The following ADCY2 variants were observed in gnomAD, a reference collection of about 807,000 sequenced individuals.
The protein encoded by ADCY2 is adenylate cyclase 2.
In ADCY2, 31 loss-of-function variants were observed where a neutral mutation model predicts 125.2. The ratio of observed to expected loss-of-function variants is 0.25; its 90% CI spans 0.19 to 0.33. The LOEUF is 0.33. Ranked by LOEUF, ADCY2 falls within the 10% of genes least tolerant of loss-of-function variation. The pLI is 1.00. For synonymous variants in ADCY2, 512 were observed against 548.4 expected (o/e 0.93, Z 0.93); for missense variants, 904 against 1,418.2 (o/e 0.64, Z 5.82).
At chr5:7,467,728 C>G (rs183885810) in intron 2 of ADCY2, among the ~76,000 whole-genome samples, 17 of 152,326 alleles carry the variant, frequency 1.1e-4, no homozygotes, top group African/African-American at 3.8e-4. Flanking sequence ...TCATATTCCT[C>G]TCTCTCTACA....
intron 1 of ADCY2, among the ~76,000 whole-genome samples, chr5:7,412,561 A>G (rs962862701): frequency 1.3e-5 from 2 of 152,190 alleles, no homozygotes; most frequent in African/African-American, 4.8e-5. Flanking sequence ...GCAATTGTAA[A>G]CTGTGTCTGA....
intron 4 of ADCY2, among the ~76,000 whole-genome samples, chr5:7,680,048 GA>G (rs1740277614): frequency 6.6e-6 from 1 of 152,130 alleles, no homozygotes; most frequent in African/African-American, 2.4e-5. Flanking sequence ...AGGTGGAGAG[GA>G]ACAGAGGTAA....
At chr5:7,567,247 AT>A (rs563466097) in intron 3 of ADCY2, among the ~76,000 whole-genome samples, 132 of 152,234 alleles carry the variant, frequency 8.7e-4, no homozygotes, top group African/African-American at 2.8e-3. Flanking sequence ...GTAGTTCTTG[AT>A]GCTTATGTAT....
intron 4 of ADCY2, among the ~76,000 whole-genome samples, chr5:7,658,650 G>A (rs1328426122): frequency 1.3e-5 from 2 of 152,078 alleles, no homozygotes; most frequent in East Asian, 1.9e-4. Flanking sequence ...GGATTAAATT[G>A]TATAAATCTG....
At chr5:7,662,143 G>A (rs1379516125) in intron 4 of ADCY2, among the ~76,000 whole-genome samples, 1 of 152,154 alleles carries the variant, frequency 6.6e-6, no homozygotes, top group African/African-American at 2.4e-5. Flanking sequence ...TAACATAAAA[G>A]TTATTGGTAC....
intron 4 of ADCY2, among the ~76,000 whole-genome samples, chr5:7,638,806 C>T (rs531985628): frequency 1.2e-4 from 18 of 152,262 alleles, no homozygotes; most frequent in Middle Eastern, 3.4e-3. Flanking sequence ...GGCGGTGATA[C>T]GGTTTGGCTC....
At chr5:7,668,639 A>G (rs533009367) in intron 4 of ADCY2, among the ~76,000 whole-genome samples, 1 of 152,344 alleles carries the variant, frequency 6.6e-6, no homozygotes, top group East Asian at 1.9e-4. Context: ...TTATGTGGGG[A>G]AAAATAATTG....
intron 15 of ADCY2, among the ~76,000 whole-genome samples, chr5:7,752,270 C>T (rs770342359): frequency 2.6e-5 from 4 of 152,182 alleles, no homozygotes; most frequent in East Asian, 1.9e-4. Context: ...ATTATTGCTC[C>T]GGCTTATTCC....
At chr5:7,720,029 C>A (rs1579353795) in intron 12 of ADCY2, among the ~76,000 whole-genome samples, 2 of 150,740 alleles carry the variant, frequency 1.3e-5, no homozygotes, top group Non-Finnish European at 3.0e-5. Flanking sequence ...AAAAAAAAGA[C>A]CTTAGTGTAA....
chr5:7,744,532 T>C (rs528132045), intron 15 of ADCY2, among the ~76,000 whole-genome samples: 3 of 152,358 alleles, frequency 2.0e-5, no homozygotes, highest in Admixed American at 1.3e-4. Context: ...GTTCTGGATA[T>C]ACAGATTAAA....
intron 3 of ADCY2, among the ~76,000 whole-genome samples, chr5:7,530,748 G>A (rs953913078): frequency 3.3e-5 from 5 of 151,934 alleles, no homozygotes; most frequent in Admixed American, 1.3e-4. Context: ...CAGTAGCCTC[G>A]ATGTACCTTC....
At chr5:7,776,854 G>C (rs1743743795) in intron 18 of ADCY2, among the ~76,000 whole-genome samples, 1 of 152,216 alleles carries the variant, frequency 6.6e-6, no homozygotes. Context: ...AGGTTCTTTG[G>C]CCTTTGGACT....
intron 2 of ADCY2, among the ~76,000 whole-genome samples, chr5:7,500,010 A>G (rs888532791): frequency 6.6e-6 from 1 of 152,252 alleles, no homozygotes; most frequent in East Asian, 1.9e-4. Context: ...GCTAACAAAG[A>G]AGAACTCTCA....
intron 1 of ADCY2, among the ~76,000 whole-genome samples, chr5:7,409,323 A>G (rs1351893436): frequency 6.6e-6 from 1 of 152,212 alleles, no homozygotes; most frequent in Non-Finnish European, 1.5e-5. Flanking sequence ...TCTGTACAAC[A>G]AACCCCCAGG....
intron 3 of ADCY2, among the ~76,000 whole-genome samples, chr5:7,525,609 C>CACTG (rs1734429709): frequency 1.3e-5 from 2 of 151,998 alleles, no homozygotes; most frequent in South Asian, 4.2e-4. Context: ...TGTTGGGTGT[C>CACTG]ACTGCACCAA....
At chr5:7,782,106 C>T (rs1447412772) in intron 18 of ADCY2, 2 of 166,704 alleles carry the variant, frequency 1.2e-5, no homozygotes, top group Non-Finnish European at 2.9e-5. Flanking sequence ...CCAGTTGGCT[C>T]TGTGGGCTGC....
chr5:7,716,351 A>G (rs1365053085), intron 11 of ADCY2, among the ~76,000 whole-genome samples: 2 of 152,234 alleles, frequency 1.3e-5, no homozygotes, highest in African/African-American at 4.8e-5. Context: ...TATTTTGTCA[A>G]CCAAGCCACA....
chr5:7,396,431 G>T lies in ADCY2; in HGVS notation c.135G>T (p.Pro45=), dbSNP rs769302909. ...ACTACTGCATGAGCCAGCAGCACCCGCTCATCGTCTTCCTGCTGCTCATCG... is the reference window on the plus strand; with the variant it reads ...ACTACTGCATGAGCCAGCAGCACCCTCTCATCGTCTTCCTGCTGCTCATCG... ...ESYYCMSQQH[P]LIVFLLLIVM... is the part of the protein sequence containing the mutation. Residue 45 remains proline, a synonymous_variant, in exon 1 of 25, where the codon CCG becomes CCT. Transcript: ENST00000338316. The surrounding 1 kb of genome is among the most constrained non-coding windows in gnomAD (Gnocchi z 5.7). The T allele has an allele frequency of 6.3e-7, 1 of 1,580,492 alleles. No individual in the cohort carries two copies. Among genetic ancestry groups the T allele is most frequent in the South Asian group, 1.1e-5 (1 of 88,344 alleles).
chr5:7,506,046 A>G (rs1342867444), intron 2 of ADCY2, among the ~76,000 whole-genome samples: 2 of 150,876 alleles, frequency 1.3e-5, no homozygotes, highest in Non-Finnish European at 2.9e-5. Context: ...CCAGGACATC[A>G]TTTCTTCTAC....
Sources: allele counts gnomAD v4.1 joint callset (sites outside exome capture counted in the v4.1 genomes callset), GRCh38; gene constraint gnomAD v4.1.1; non-coding constraint Gnocchi (gnomAD v3.1); transcripts MANE v1.5; gene names NCBI Gene and HGNC (gene_info 2026-07-23, HGNC 2026-07-21).